Variants in TAFA2 observed in about 807,000 individuals in gnomAD.
The protein encoded by TAFA2 is TAFA chemokine like family member 2, also known as chemokine-like protein TAFA-2.
In TAFA2, 7 loss-of-function variants were observed where a neutral mutation model predicts 18.8. That is an observed-to-expected ratio of 0.37 (90% confidence interval 0.21 to 0.70). The LOEUF (loss-of-function observed/expected upper bound fraction) is 0.70. Among genes scored for constraint, TAFA2 ranks in the 30% least tolerant of loss-of-function variants. The probability of loss-of-function intolerance (pLI) is 0.53; values close to 1 mark genes in which losing one functional copy is unlikely to be tolerated. For synonymous variants in TAFA2, 60 were observed against 54.2 expected, an observed-to-expected ratio of 1.11 and a Z score of -0.47; for missense variants, 122 against 158.1, an observed-to-expected ratio of 0.77 and a Z score of 1.23.
At chr12:61,993,492 G>A (rs1259428074) in intron 1 of TAFA2, among the ~76,000 whole-genome samples, 2 of 152,068 alleles carry the variant, frequency 1.3e-5, no homozygotes, top group African/African-American at 2.4e-5. Flanking sequence ...CATAGCAAGG[G>A]TTAAATGATG....
intron 1 of TAFA2, among the ~76,000 whole-genome samples, chr12:62,187,661 G>A (rs1302842461): frequency 2.6e-5 from 4 of 152,018 alleles, no homozygotes; most frequent in African/African-American, 7.2e-5. Context: ...TTTCATTGAC[G>A]ACACTGCACT....
At chr12:62,186,304 T>C (rs547927332) in intron 1 of TAFA2, among the ~76,000 whole-genome samples, 1 of 152,264 alleles carries the variant, frequency 6.6e-6, no homozygotes, top group South Asian at 2.1e-4. Flanking sequence ...CAGTGACTAG[T>C]TTGTAGCAGC....
intron 1 of TAFA2, among the ~76,000 whole-genome samples, chr12:61,942,136 TCCC>T (rs1878054852): frequency 6.7e-6 from 1 of 149,494 alleles, no homozygotes; most frequent in Non-Finnish European, 1.5e-5. Context: ...CTCAAGTGGG[TCCC>T]TGACCCCTGA....
In TAFA2 at chr12:62,062,869, G is replaced by A. The variant is rs555597069; in HGVS notation, c.-2+128390C>T. ...CCTTTCCCAGCTTTTAAAGGCCACC[G>A]CATTCCTTGGCTCATGGCCCCTTTC... On this transcript the variant is annotated intron_variant, in intron 1 of 4. Transcript: ENST00000416284. Among the ~76,000 whole-genome samples, 16 of 152,206 alleles carry A rather than the reference G, an allele frequency of 1.1e-4. No individual in the cohort carries two copies. In the East Asian group the frequency reaches 2.3e-3, roughly 22 times the overall value.
intron 2 of TAFA2, among the ~76,000 whole-genome samples, chr12:61,851,734 C>T (rs190030590): frequency 2.0e-4 from 23 of 113,624 alleles, no homozygotes; most frequent in Non-Finnish European, 3.1e-4. Context: ...GAGATTGTGC[C>T]ACCGCACTCC....
At chr12:61,957,810 C>T (rs1389436954) in intron 1 of TAFA2, among the ~76,000 whole-genome samples, 2 of 152,016 alleles carry the variant, frequency 1.3e-5, no homozygotes, top group African/African-American at 2.4e-5. Flanking sequence ...AGAAAGTTTT[C>T]ACCTTTCTGA....
intron 1 of TAFA2, among the ~76,000 whole-genome samples, chr12:61,878,451 A>T (rs558167347): frequency 1.3e-5 from 2 of 152,274 alleles, no homozygotes; most frequent in East Asian, 3.9e-4. Context: ...AATAGTATTA[A>T]CCTATTTGCT....
chr12:61,956,003 A>G (rs530599538), intron 1 of TAFA2, among the ~76,000 whole-genome samples: 1 of 152,230 alleles, frequency 6.6e-6, no homozygotes, highest in Admixed American at 6.6e-5. Flanking sequence ...AGATAAGAGC[A>G]TGAGATTTAA....
At chr12:62,161,660 C>T (rs924543822) in intron 1 of TAFA2, among the ~76,000 whole-genome samples, 1 of 152,110 alleles carries the variant, frequency 6.6e-6, no homozygotes, top group Admixed American at 6.6e-5. Flanking sequence ...ACAATCTACA[C>T]TTGTAACAAA....
chr12:61,938,023 T>C (rs1877841809), intron 1 of TAFA2, among the ~76,000 whole-genome samples: 1 of 152,016 alleles, frequency 6.6e-6, no homozygotes, highest in Non-Finnish European at 1.5e-5. Context: ...AAAGAAAATA[T>C]GCAAGTGGCC....
chr12:62,181,431 A>G (rs1401564799), intron 1 of TAFA2, among the ~76,000 whole-genome samples: 1 of 152,206 alleles, frequency 6.6e-6, no homozygotes, highest in Non-Finnish European at 1.5e-5. Flanking sequence ...GAATGAATTG[A>G]TATCATTCCT....
chr12:61,762,246 TAA>T (rs1449295675), intron 2 of TAFA2, among the ~76,000 whole-genome samples: 1 of 152,118 alleles, frequency 6.6e-6, no homozygotes, highest in Non-Finnish European at 1.5e-5. Flanking sequence ...CCTGAAGTTC[TAA>T]ACACATGCAG....
chr12:61,972,089 TGTTTTAA>T (rs1166338650), intron 1 of TAFA2, among the ~76,000 whole-genome samples: 6 of 151,620 alleles, frequency 4.0e-5, no homozygotes, highest in Admixed American at 6.6e-5. Flanking sequence ...TTTTAACTTT[TGTTTTAA>T]GTTTTAAGTT....
At chr12:61,718,702 A>G (rs1353993030) in intron 4 of TAFA2, among the ~76,000 whole-genome samples, 3 of 152,194 alleles carry the variant, frequency 2.0e-5, no homozygotes, top group African/African-American at 4.8e-5. Context: ...CTCAATTCAA[A>G]GGTACTTTAC....
At chr12:61,888,777 GA>G (rs1367745510) in intron 1 of TAFA2, among the ~76,000 whole-genome samples, 1 of 152,158 alleles carries the variant, frequency 6.6e-6, no homozygotes, top group Non-Finnish European at 1.5e-5. Flanking sequence ...TTTCAGAGTG[GA>G]CTGACATGTG....
chr12:62,240,330 A>T (rs530294396), intron 1 of TAFA2, among the ~76,000 whole-genome samples: 21 of 151,872 alleles, frequency 1.4e-4, no homozygotes, highest in South Asian at 4.2e-4. Context: ...GAGGCAGGAG[A>T]ATCTCTTAAA....
intron 4 of TAFA2, among the ~76,000 whole-genome samples, chr12:61,724,897 T>G (rs1170772466): frequency 6.6e-6 from 1 of 151,264 alleles, no homozygotes; most frequent in Non-Finnish European, 1.5e-5. Flanking sequence ...ATCTCCACAC[T>G]GTTTTGCATA....
At chr12:62,120,163 T>C (rs1870130584) in intron 1 of TAFA2, among the ~76,000 whole-genome samples, 1 of 152,098 alleles carries the variant, frequency 6.6e-6, no homozygotes. Flanking sequence ...TGCTAGATAC[T>C]GTAAAGAACA....
At chr12:61,805,568 C>T (rs1871576539) in intron 2 of TAFA2, among the ~76,000 whole-genome samples, 1 of 152,064 alleles carries the variant, frequency 6.6e-6, no homozygotes, top group Non-Finnish European at 1.5e-5. Flanking sequence ...AATATAGTGG[C>T]AGATATGATC....
Sources: allele counts gnomAD v4.1 joint callset (sites outside exome capture counted in the v4.1 genomes callset), GRCh38; gene constraint gnomAD v4.1.1; transcripts MANE v1.5; gene names NCBI Gene and HGNC (gene_info 2026-07-23, HGNC 2026-07-21).